ZAR1: variants seen among roughly 807,000 people sequenced by gnomAD.
ZAR1 encodes zygote arrest 1, also known as zygote arrest protein 1.
In ZAR1, 37 loss-of-function variants were observed where a neutral mutation model predicts 38.3. The observed-to-expected ratio is 0.97, with a 90% confidence interval of 0.74 to 1.27. The LOEUF (loss-of-function observed/expected upper bound fraction) is 1.27, where lower values mean the gene tolerates loss of function less well. Among genes scored for constraint, ZAR1 ranks in the 50% most tolerant of loss-of-function variants. The probability of loss-of-function intolerance (pLI) is 0.00; values close to 1 mark genes in which losing one functional copy is unlikely to be tolerated. For synonymous variants in ZAR1, 336 were observed against 292.0 expected (o/e 1.15, Z -1.53); for missense variants, 651 against 632.4 (o/e 1.03, Z -0.32).
intron 2 of ZAR1, 36 bp downstream of exon 2, chr4:48,492,894 A>G (rs770911358): frequency 1.2e-6 from 2 of 1,614,020 alleles, no homozygotes; most frequent in African/African-American, 1.3e-5. Context: ...CTTCTTGCTG[A>G]AAGTGTCAAG....
chr4:48,493,052 C>A, intron 3 of ZAR1, 40 bp downstream of exon 3: 2 of 1,593,796 alleles, frequency 1.3e-6, no homozygotes, highest in South Asian at 2.2e-5. Context: ...CCTGGGCAGT[C>A]GTCGAGGGTT....
rs1718409380 is a variant in ZAR1, at chr4:48,490,802, C to A, written c.511C>A (p.Arg171=). The A allele has an allele frequency of 5.3e-6, 8 of 1,505,134 alleles. No homozygotes were observed. Among genetic ancestry groups the A allele is most frequent in the African/African-American group, 1.4e-5 (1 of 69,692 alleles). 93.2% of individuals were successfully genotyped at this position (1,505,134 alleles called of 1,614,324 possible). The change falls in exon 1 of 4, where the codon CGG becomes AGG. Residue 171 remains arginine (R), a synonymous_variant. Transcript: ENST00000327939. ...EQGSPQNGAP[R]PMRFPRTVAV... The stretch of plus-strand genomic sequence containing the variant: ...GGGCAGCCCCCAGAACGGCGCCCCG[C>A]GGCCCATGCGCTTCCCGCGCACCGT...
At chr4:48,493,112 T>G in intron 3 of ZAR1, 100 bp downstream of exon 3, 1 of 1,096,204 alleles carries the variant, frequency 9.1e-7, no homozygotes. Flanking sequence ...CCCCCAGACC[T>G]TAGGTTTCAA....
At chr4:48,495,694 G>C (rs190288458), downstream of ZAR1, among the ~76,000 whole-genome samples, 9 of 152,332 alleles carry the variant, frequency 5.9e-5, no homozygotes, top group East Asian at 1.7e-3. Context: ...TGCCTCTGCA[G>C]TAAGGGACCT....
Position 48,490,844 on chromosome 4 carries a change from C to T in ZAR1, c.553C>T (p.Leu185=), listed in dbSNP as rs1316909131. Residue 185 remains leucine (L), a synonymous_variant, in exon 1 of 4, where the codon CTG becomes TTG. Coordinates refer to ENST00000327939, the MANE Select transcript of ZAR1 (RefSeq NM_175619.3). The stretch of plus-strand genomic sequence containing the variant: ...GCGCACCGTCGCCGTGTACTCGCCC[C>T]TGGCCTTGCGCCGTCTCACCGCCTT... ...FPRTVAVYSP[L]ALRRLTAFLE... 2.0e-6 allele frequency: 3 copies of T among 1,492,966 alleles called. No homozygotes were observed. Among genetic ancestry groups the T allele is most frequent in the Admixed American group, 4.3e-5 (2 of 46,284 alleles). 92.5% of individuals were successfully genotyped at this position (1,492,966 alleles called of 1,614,324 possible). A position where few individuals can be genotyped will look rare whatever the true frequency, so the allele number is the denominator to read the frequency against.
rs763483115 is a variant in ZAR1 at position 48,490,427 on chromosome 4, G to T, written c.136G>T (p.Gly46Cys). 1.3e-6 allele frequency: 2 copies of T among 1,481,502 alleles called. No individual in the cohort carries two copies. Among genetic ancestry groups the T allele is most frequent in the Non-Finnish European group, 1.8e-6 (2 of 1,120,912 alleles). 91.8% of individuals were successfully genotyped at this position (1,481,502 alleles called of 1,614,324 possible). Residue 46 changes from glycine (G) to cysteine (C), a missense_variant, in exon 1 of 4, where the codon GGC becomes TGC. Around this residue, in one of 2 missense-constraint regions of ZAR1, gnomAD observed 522 missense variants for 459.9 expected, o/e 1.14. Coordinates refer to ENST00000327939, the MANE Select transcript of ZAR1 (RefSeq NM_175619.3). ...CGGCAGCTGGCAGCAGCGCGGCAGG[G>T]GCTGCCTTCCCGCCTCCTCCCCCTG... Reference protein sequence around the residue: ...AGGSWQQRGRGCLPASSPCSA... With the variant: ...AGGSWQQRGRCCLPASSPCSA...
chr4:48,493,126 G>C (rs764635608), intron 3 of ZAR1, 114 bp downstream of exon 3: 30 of 899,468 alleles, frequency 3.3e-5, no homozygotes, highest in Non-Finnish European at 5.0e-5. Flanking sequence ...GTTTCAACTG[G>C]CTTTTGTTAG....
chr4:48,490,450 C>T lies in ZAR1; in HGVS notation c.159C>T (p.Pro53=), dbSNP rs1384794700. The T allele has an allele frequency of 2.7e-6, 4 of 1,466,196 alleles. No homozygotes were observed. The highest frequency in any genetic ancestry group is 3.6e-6 in the Non-Finnish European group (4 of 1,115,912). 90.8% of individuals were successfully genotyped at this position (1,466,196 alleles called of 1,614,324 possible). A position where few individuals can be genotyped will look rare whatever the true frequency, so the allele number is the denominator to read the frequency against. Residue 53 remains proline, a synonymous_variant, in exon 1 of 4, where the codon CCC becomes CCT. Coordinates refer to ENST00000327939, the MANE Select transcript of ZAR1 (RefSeq NM_175619.3). ...RGRGCLPASS[P]CSAGAASLSF... Reference sequence around the variant, plus strand: ...GGGGCTGCCTTCCCGCCTCCTCCCCCTGCTCGGCGGGCGCGGCCTCGTTGT... The same window carrying T: ...GGGGCTGCCTTCCCGCCTCCTCCCCTTGCTCGGCGGGCGCGGCCTCGTTGT...
At chr4:48,492,520 A>G (rs1718471348) in intron 1 of ZAR1, among the ~76,000 whole-genome samples, 1 of 152,190 alleles carries the variant, frequency 6.6e-6, no homozygotes, top group African/African-American at 2.4e-5. Flanking sequence ...TTATTCGTTT[A>G]TTAGCCAGCC....
chr4:48,496,425 T>C (rs1232192918), downstream of ZAR1, among the ~76,000 whole-genome samples: 1 of 19,592 alleles, frequency 5.1e-5, no homozygotes, highest in South Asian at 3.5e-3. Context: ...TGTACCTACA[T>C]TGAGTCCTAA....
Position 48,490,587 on chromosome 4 carries a change from G to T in ZAR1, c.296G>T (p.Arg99Leu). The change falls in exon 1 of 4, where the codon CGC (arginine) becomes CTC (leucine). Residue 99 changes from arginine (R) to leucine (L), a missense_variant. This residue lies in a region of ZAR1 where 522 missense variants were observed against 459.9 expected (regional missense o/e 1.14). Coordinates refer to ENST00000327939, the MANE Select transcript of ZAR1 (RefSeq NM_175619.3). ...GGGCCGGGTCTCGGGCCGCGCGCCC[G>T]CAGGGCCGGCAGCTGCGACGTGGCG... is the stretch of plus-strand genomic sequence containing the variant. ...QVGPGLGPRA[R>L]RAGSCDVAVQ... 1 of 1,382,534 alleles carries T rather than the reference G, an allele frequency of 7.2e-7. No individual in the cohort carries two copies. The highest frequency in any genetic ancestry group is 9.3e-7 in the Non-Finnish European group (1 of 1,078,884). The allele number at this position is 1,382,534 out of a possible 1,614,324, so 85.6% of individuals were successfully genotyped here. A position where few individuals can be genotyped will look rare whatever the true frequency, so the allele number is the denominator to read the frequency against.
At position 48,494,241 on chromosome 4, in the gene ZAR1, T is replaced by A; in HGVS notation, c.1272T>A (p.Ile424=). Residue 424 remains isoleucine, a synonymous_variant, in exon 4 of 4, where the codon ATT becomes ATA. Coordinates refer to ENST00000327939, the MANE Select transcript of ZAR1 (RefSeq NM_175619.3). ...GCACTTTCAGCTTCAAATACATCAT[T>A]TAGGTGAAAGTCAGTGTTGCTGTGC... is the stretch of plus-strand genomic sequence containing the variant. ...CDSTFSFKYI[I] 6.2e-7 allele frequency: 1 copy of A among 1,614,054 alleles called. No homozygotes were observed. Among genetic ancestry groups the A allele is most frequent in the Non-Finnish European group, 8.5e-7 (1 of 1,180,000 alleles).
At position 48,490,908 on chromosome 4, in the gene ZAR1, C is replaced by G; in HGVS notation, c.617C>G (p.Ser206Cys). ...GGGCCCGCGGCGGGCGAGCAGAGGT[C>G]CGGGGCGTCGGACGGAGAGAGGGGG... ...GPGPAAGEQR[S>C]GASDGERGPP... The change falls in exon 1 of 4, where the codon TCC becomes TGC. Residue 206 changes from serine (S) to cysteine (C), a missense_variant. Ser to Cys is a moderately radical substitution (Grantham distance 112). Around this residue, in one of 2 missense-constraint regions of ZAR1, gnomAD observed 522 missense variants for 459.9 expected, o/e 1.14. Transcript: ENST00000327939. The G allele has an allele frequency of 7.3e-7, 1 of 1,366,598 alleles. No homozygotes were observed. The highest frequency in any genetic ancestry group is 9.4e-7 in the Non-Finnish European group (1 of 1,064,746). The allele number at this position is 1,366,598 out of a possible 1,614,324, so 84.7% of individuals were successfully genotyped here.
rs139073114 is a variant in ZAR1 at position 48,490,879 on chromosome 4, G to T, written c.588G>T (p.Gly196=). Residue 196 remains glycine (G), a synonymous_variant, in exon 1 of 4, where the codon GGG becomes GGT. Coordinates refer to ENST00000327939, the MANE Select transcript of ZAR1 (RefSeq NM_175619.3). ...GCCGTCTCACCGCCTTCCTGGAGGG[G>T]CCCGGGCCCGCGGCGGGCGAGCAGA... is the stretch of plus-strand genomic sequence containing the variant. ...ALRRLTAFLE[G]PGPAAGEQRS... is the part of the protein sequence containing the mutation. The T allele has an allele frequency of 3.7e-3, 5,175 of 1,417,004 alleles. 151 individuals are homozygous for T. The African/African-American group carries it at 0.067, about 18-fold the overall frequency. The allele number at this position is 1,417,004 out of a possible 1,614,324, so 87.8% of individuals were successfully genotyped here.
Position 48,490,994 on chromosome 4 carries a change from C to G in ZAR1, c.703C>G (p.Arg235Gly). ...EGEVWTKKAP[R>G]RPQSDDDGEA... ...GGAGGTGTGGACGAAGAAGGCGCCC[C>G]GGCGGCCGCAGTCCGACGACGACGG... Residue 235 changes from arginine (R) to glycine (G), a missense_variant, in exon 1 of 4, where the codon CGG becomes GGG. Transcript: ENST00000327939. The G allele has an allele frequency of 2.2e-6, 3 of 1,355,764 alleles. No homozygotes were observed. Among genetic ancestry groups the G allele is most frequent in the South Asian group, 1.8e-5 (1 of 56,018 alleles). 84.0% of individuals were successfully genotyped at this position (1,355,764 alleles called of 1,614,324 possible).
chr4:48,494,001 ACATT>A (rs1718515487), intron 3 of ZAR1, 96 bp from the exon 4 acceptor site: 13 of 1,401,032 alleles, frequency 9.3e-6, no homozygotes, highest in Non-Finnish European at 1.2e-5. Flanking sequence ...TGCTTAGAGC[ACATT>A]CATTAAGTAC....
In ZAR1 at chr4:48,490,645, A is replaced by C; in HGVS notation, c.354A>C (p.Val118=). 7.4e-7 allele frequency: 1 copy of C among 1,349,492 alleles called. No homozygotes were observed. The highest frequency in any genetic ancestry group is 9.4e-7 in the Non-Finnish European group (1 of 1,059,000). The allele number at this position is 1,349,492 out of a possible 1,614,324, so 83.6% of individuals were successfully genotyped here. The stretch of plus-strand genomic sequence containing the variant: ...TGAGCCCGCGCATCGACGCCGCGGT[A>C]CAGTGCTCGCTGGGGAGGCGCACGC... ...VQVSPRIDAA[V]QCSLGRRTLQ... is the part of the protein sequence containing the mutation. Residue 118 remains valine, a synonymous_variant, in exon 1 of 4, where the codon GTA becomes GTC. Transcript: ENST00000327939.
At chr4:48,492,162 T>G (rs550582012) in intron 1 of ZAR1, among the ~76,000 whole-genome samples, 1 of 152,168 alleles carries the variant, frequency 6.6e-6, no homozygotes, top group South Asian at 2.1e-4. Flanking sequence ...GCAGACTGAA[T>G]TAAGTGCTCC....
downstream of ZAR1, among the ~76,000 whole-genome samples, chr4:48,495,530 G>C (rs892402908): frequency 1.3e-5 from 2 of 152,186 alleles, no homozygotes; most frequent in African/African-American, 4.8e-5. Flanking sequence ...ACATTTAATA[G>C]GCGCCCCAGC....
Sources: gnomAD v4.1 joint callset for allele counts (sites outside exome capture counted in the v4.1 genomes callset) on GRCh38, gnomAD v4.1.1 for gene constraint, gnomAD v4.1.1 regional missense constraint, MANE v1.5 for transcripts, NCBI Gene and HGNC (gene_info 2026-07-23, HGNC 2026-07-21) for gene names.